The following UBAP2 variants were observed in gnomAD, a reference collection of about 807,000 sequenced individuals.
The protein encoded by UBAP2 is ubiquitin-associated protein 2.
In UBAP2, 75 loss-of-function variants were observed where a neutral mutation model predicts 139.6. The ratio of observed to expected loss-of-function variants is 0.54; its 90% CI spans 0.45 to 0.65. The LOEUF (loss-of-function observed/expected upper bound fraction) is 0.65, where lower values mean the gene tolerates loss of function less well. Ranked by LOEUF, UBAP2 falls within the 30% of genes least tolerant of loss-of-function variation. UBAP2 has a pLI of 0.00. For missense variants in UBAP2, 1,368 were observed against 1,369.6 expected (o/e 1.00, Z 0.02); for synonymous variants, 526 against 526.2 (o/e 1.00, Z 0.01).
Position 33,986,806 on chromosome 9 carries a change from A to T in UBAP2, c.474T>A (p.Asn158Lys). ...FRGEENGIDC[N>K]QVDKPSDRGK... is the part of the protein sequence containing the mutation. The stretch of plus-strand genomic sequence containing the variant: ...CACGATCTGAAGGTTTGTCCACTTG[A>T]TTGCAATCAATTCCATTTTCTTCAC... Residue 158 changes from asparagine to lysine, a missense_variant, in exon 6 of 29, where the codon AAT becomes AAA. By Grantham distance (94) the Asn-to-Lys change is moderately conservative. Transcript: ENST00000379238. The T allele has an allele frequency of 1.9e-6, 3 of 1,614,132 alleles. No homozygotes were observed. Among genetic ancestry groups the T allele is most frequent in the Non-Finnish European group, 2.5e-6 (3 of 1,180,020 alleles).
chr9:34,016,189 GAATAGA>G (rs373977383), intron 2 of UBAP2, among the ~76,000 whole-genome samples: 235 of 62,186 alleles, frequency 3.8e-3, no homozygotes, highest in African/African-American at 7.5e-3. Flanking sequence ...GGAAGAGGAG[GAATAGA>G]AGGAAGAGGA....
At chr9:34,039,847 TAAAAAAAAAAA>T (rs74180526) in intron 1 of UBAP2, among the ~76,000 whole-genome samples, 14 of 84,420 alleles carry the variant, frequency 1.7e-4, no homozygotes, top group East Asian at 8.0e-4. Context: ...CAATAAATAC[TAAAAAAAAAAA>T]AAAAAAAAAA....
intron 19 of UBAP2, among the ~76,000 whole-genome samples, chr9:33,930,200 G>C (rs1823847450): frequency 6.6e-6 from 1 of 152,102 alleles, no homozygotes. Flanking sequence ...TGGTGTAATA[G>C]GATATTTCAT....
At chr9:33,970,217 AT>A (rs1322556226) in intron 8 of UBAP2, among the ~76,000 whole-genome samples, 1 of 151,752 alleles carries the variant, frequency 6.6e-6, no homozygotes, top group Non-Finnish European at 1.5e-5. Context: ...CCATATCAAT[AT>A]TCCTTTTCTC....
intron 2 of UBAP2, among the ~76,000 whole-genome samples, chr9:34,010,861 A>G (rs1383193169): frequency 6.6e-6 from 1 of 152,204 alleles, no homozygotes; most frequent in East Asian, 1.9e-4. Flanking sequence ...AAGACATTTC[A>G]GACAGAAACT....
At chr9:34,012,310 C>T (rs1823821128) in intron 2 of UBAP2, among the ~76,000 whole-genome samples, 1 of 152,106 alleles carries the variant, frequency 6.6e-6, no homozygotes, top group Admixed American at 6.6e-5. Flanking sequence ...GCAGGCGGAT[C>T]ACCTAAGGTC....
chr9:33,935,588 C>G, intron 17 of UBAP2: 1 of 539,826 alleles, frequency 1.9e-6, no homozygotes, highest in South Asian at 2.2e-5. Context: ...AAAATGCATA[C>G]TGTATGCTGC....
At chr9:33,995,414 T>C (rs1428999306) in intron 4 of UBAP2, 2 of 137,842 alleles carry the variant, frequency 1.5e-5, no homozygotes, top group Admixed American at 8.0e-5. Flanking sequence ...ATAAAGTATA[T>C]ATATTTATAT....
chr9:33,995,533 ATAT>A (rs1235040168), intron 4 of UBAP2: 4 of 65,442 alleles, frequency 6.1e-5, no homozygotes, highest in African/African-American at 8.8e-5. Flanking sequence ...AAATATATTT[ATAT>A]TATTAAATAT....
intron 6 of UBAP2, among the ~76,000 whole-genome samples, chr9:33,976,495 A>G (rs1482761124): frequency 6.6e-6 from 1 of 152,202 alleles, no homozygotes; most frequent in African/African-American, 2.4e-5. Flanking sequence ...ACCTACAGAA[A>G]CAGAAAGGCG....
intron 10 of UBAP2, 117 bp downstream of exon 10, chr9:33,960,709 G>A (rs746621824): frequency 1.1e-6 from 1 of 906,288 alleles, no homozygotes. Context: ...GAATCTGGGA[G>A]GCAGAGGTTG....
At chr9:33,969,858 C>G (rs1827776027) in intron 8 of UBAP2, among the ~76,000 whole-genome samples, 1 of 150,246 alleles carries the variant, frequency 6.7e-6, no homozygotes, top group Non-Finnish European at 1.5e-5. Flanking sequence ...AGAGACCCCA[C>G]CTCAAACACC....
At chr9:33,925,920 G>A (rs1823389733) in intron 22 of UBAP2, among the ~76,000 whole-genome samples, 1 of 152,228 alleles carries the variant, frequency 6.6e-6, no homozygotes, top group Non-Finnish European at 1.5e-5. Flanking sequence ...CCAGGAGGAA[G>A]TCCTGCCCAT....
In UBAP2 at chr9:34,017,142, T is replaced by C. The variant is rs1444247069; in HGVS notation, c.7A>G (p.Thr3Ala). 6.2e-7 allele frequency: 1 copy of C among 1,603,928 alleles called. No individual in the cohort carries two copies. Among genetic ancestry groups the C allele is most frequent in the East Asian group, 2.2e-5 (1 of 44,760 alleles). The change falls in exon 2 of 29, where the codon ACT becomes GCT. Residue 3 changes from threonine to alanine, a missense_variant. By Grantham distance (58) the Thr-to-Ala change is moderately conservative. Transcript: ENST00000379238. ...CGACAATGGTCACTGCTCACTGAAG[T>C]CATCATATACAGTATATACAAAATA... MMTSVSSDHCRGA... is the reference protein window; with the variant it reads MMASVSSDHCRGA...
At chr9:34,045,975 G>A (rs1264764049) in intron 1 of UBAP2, among the ~76,000 whole-genome samples, 1 of 152,092 alleles carries the variant, frequency 6.6e-6, no homozygotes, top group East Asian at 1.9e-4. Context: ...ATCTATCAGA[G>A]ATCTACTAAC....
At chr9:33,923,615 T>C (rs1823136672) in intron 24 of UBAP2, 137 bp from the exon 25 acceptor site, 1 of 1,054,718 alleles carries the variant, frequency 9.5e-7, no homozygotes, top group Non-Finnish European at 1.5e-6. Context: ...GTGCAACACA[T>C]GCTGGATCTA....
chr9:33,927,134 G>A (rs1823510844), intron 20 of UBAP2, 54 bp from the exon 21 acceptor site: 5 of 1,391,956 alleles, frequency 3.6e-6, no homozygotes, highest in Non-Finnish European at 5.0e-6. Flanking sequence ...AAGAGTGAGA[G>A]TCCTCAGCTG....
intron 24 of UBAP2, 108 bp from the exon 25 acceptor site, chr9:33,923,586 G>A: frequency 8.4e-7 from 1 of 1,191,014 alleles, no homozygotes; most frequent in Non-Finnish European, 1.2e-6. Context: ...ACAACCACAG[G>A]GGACCTGTGT....
At chr9:33,949,217 A>G (rs990617551) in intron 12 of UBAP2, among the ~76,000 whole-genome samples, 4 of 152,020 alleles carry the variant, frequency 2.6e-5, no homozygotes, top group Admixed American at 6.6e-5. Flanking sequence ...ATAAAAAGTG[A>G]TGTCATAAGT....
Sources: gnomAD v4.1 joint callset for allele counts (sites outside exome capture counted in the v4.1 genomes callset) on GRCh38, gnomAD v4.1.1 for gene constraint, MANE v1.5 for transcripts, NCBI Gene and HGNC (gene_info 2026-07-23, HGNC 2026-07-21) for gene names.